Variants in CSMD1 observed in about 807,000 individuals in gnomAD.
CSMD1 encodes the protein CUB and sushi domain-containing protein 1.
A neutral mutation model predicts 417.5 loss-of-function variants in CSMD1; 213 were observed. The observed-to-expected ratio is 0.51, with a 90% CI of 0.46 to 0.57. CSMD1 has a LOEUF of 0.57. Among genes scored for constraint, CSMD1 ranks in the 20% least tolerant of loss-of-function variants. CSMD1 has a pLI of 0.00. For synonymous variants in CSMD1, 2,862 were observed against 1,736.8 expected, an observed-to-expected ratio of 1.65 and a Z score of -16.11; for missense variants, 6,923 against 4,529.7, an observed-to-expected ratio of 1.53 and a Z score of -15.17.
intron 23 of CSMD1, among the ~76,000 whole-genome samples, chr8:3,319,981 A>G (rs919848115): frequency 1.2e-4 from 18 of 152,290 alleles, no homozygotes; most frequent in African/African-American, 4.1e-4. Flanking sequence ...AGTCTCTACC[A>G]GTGGCTTAGA....
rs1318111552 is a variant in CSMD1 at position 3,586,190 on chromosome 8, G to C, written c.1168C>G (p.Gln390Glu). The C allele has an allele frequency of 3.1e-6, 5 of 1,612,234 alleles. No individual in the cohort carries two copies. Among genetic ancestry groups the C allele is most frequent in the Non-Finnish European group, 3.4e-6 (4 of 1,179,326 alleles). The change falls in exon 9 of 70, where the codon CAG becomes GAG. Residue 390 changes from glutamine to glutamate, a missense_variant. By Grantham distance (29) the Gln-to-Glu change is conservative. Transcript: ENST00000635120. ...VLQGSKSITC[Q>E]RVTETLAAWS... is the part of the protein sequence containing the mutation. ...GCAGCGAGCGTCTCTGTAACTCTCT[G>C]ACAGGTGATGCTTTTAGATCCCTGG...
intron 5 of CSMD1, among the ~76,000 whole-genome samples, chr8:3,893,339 TTATATATATATATA>T (rs56848640): frequency 3.7e-5 from 3 of 80,440 alleles, no homozygotes; most frequent in Non-Finnish European, 8.3e-5. Context: ...ATTCACAATT[TTATATATATATATA>T]TATATATATT....
chr8:4,338,491 G>A (rs576808522), intron 3 of CSMD1, among the ~76,000 whole-genome samples: 10 of 152,158 alleles, frequency 6.6e-5, no homozygotes, highest in East Asian at 3.9e-4. Context: ...AATCTACCTC[G>A]GGATATTGTA....
At position 3,046,890 on chromosome 8, in the gene CSMD1, C is replaced by T. The variant is rs75775195; in HGVS notation, c.7660+5572G>A. ...TAGGATTGCTATTCTAATTGAATCA[C>T]GTAGCTTAGATAAATGTCTAGAGTG... On this transcript the variant is annotated intron_variant, in intron 50 of 69. Coordinates refer to ENST00000635120, the MANE Select transcript of CSMD1 (RefSeq NM_033225.6). 8.5e-3 allele frequency among the ~76,000 whole-genome samples: 1,294 copies of T among 151,858 alleles called. 11 individuals are homozygous for T. Among genetic ancestry groups the T allele is most frequent in the African/African-American group, 0.03 (1,243 of 41,512 alleles).
intron 4 of CSMD1, among the ~76,000 whole-genome samples, chr8:4,012,921 T>C (rs1353660317): frequency 1.3e-5 from 2 of 152,144 alleles, no homozygotes; most frequent in African/African-American, 4.8e-5. Flanking sequence ...AGCACCTTCT[T>C]TAAACAGCAT....
At chr8:3,706,051 G>T (rs1262836420) in intron 7 of CSMD1, among the ~76,000 whole-genome samples, 1 of 152,238 alleles carries the variant, frequency 6.6e-6, no homozygotes, top group Non-Finnish European at 1.5e-5. Context: ...TGGTGGGAAC[G>T]CCTAAGGCAC....
chr8:3,782,559 T>A (rs1410733633), intron 5 of CSMD1, among the ~76,000 whole-genome samples: 1 of 152,162 alleles, frequency 6.6e-6, no homozygotes, highest in Non-Finnish European at 1.5e-5. Flanking sequence ...GATGAGTTGA[T>A]GGGCGCAGCA....
At chr8:4,244,906 A>T (rs1802613258) in intron 3 of CSMD1, among the ~76,000 whole-genome samples, 1 of 152,216 alleles carries the variant, frequency 6.6e-6, no homozygotes. Flanking sequence ...GGAGATAACA[A>T]CATTTAAATC....
At chr8:4,050,903 T>G (rs1019930604) in intron 3 of CSMD1, among the ~76,000 whole-genome samples, 2 of 152,080 alleles carry the variant, frequency 1.3e-5, no homozygotes. Flanking sequence ...AAGCCTACCT[T>G]TACGTGAGTC....
chr8:4,276,432 C>T (rs10099480), intron 3 of CSMD1, among the ~76,000 whole-genome samples: 1 of 151,916 alleles, frequency 6.6e-6, no homozygotes, highest in African/African-American at 2.4e-5. Flanking sequence ...AATGAGGACT[C>T]ATGGACGCTT....
At chr8:3,434,085 G>C (rs1814398032) in intron 12 of CSMD1, among the ~76,000 whole-genome samples, 1 of 152,162 alleles carries the variant, frequency 6.6e-6, no homozygotes, top group South Asian at 2.1e-4. Context: ...GGTCTTAGTA[G>C]CATCTGATGC....
intron 3 of CSMD1, among the ~76,000 whole-genome samples, chr8:4,200,488 A>T (rs73496531): frequency 6.6e-6 from 1 of 152,170 alleles, no homozygotes; most frequent in South Asian, 2.1e-4. Context: ...TCTCAGAGAT[A>T]ATCACTTAGG....
At chr8:4,313,351 G>A (rs930318644) in intron 3 of CSMD1, among the ~76,000 whole-genome samples, 8 of 136,566 alleles carry the variant, frequency 5.9e-5, no homozygotes, top group Middle Eastern at 7.2e-3. Context: ...GGGGGTAGCA[G>A]ACCATCATTG....
At chr8:3,266,784 C>CAA (rs10595372) in intron 26 of CSMD1, among the ~76,000 whole-genome samples, 6 of 131,562 alleles carry the variant, frequency 4.6e-5, no homozygotes, top group Non-Finnish European at 8.2e-5. Context: ...TAAAAAAAAT[C>CAA]AAAAAAAAAA....
intron 2 of CSMD1, among the ~76,000 whole-genome samples, chr8:4,561,688 A>G (rs1798339485): frequency 6.6e-6 from 1 of 152,192 alleles, no homozygotes; most frequent in African/African-American, 2.4e-5. Flanking sequence ...TTAAAAGAAG[A>G]AAAAAAGAGA....
intron 3 of CSMD1, among the ~76,000 whole-genome samples, chr8:4,292,520 G>A (rs906614265): frequency 9.9e-5 from 15 of 152,104 alleles, no homozygotes; most frequent in Admixed American, 3.3e-4. Context: ...CCCGAGTGCT[G>A]GGATTACAGC....
At chr8:3,916,757 G>A (rs746127755) in intron 5 of CSMD1, among the ~76,000 whole-genome samples, 6 of 152,094 alleles carry the variant, frequency 3.9e-5, no homozygotes, top group Non-Finnish European at 8.8e-5. Context: ...CACAAAACTA[G>A]AGAGAGAAAA....
At chr8:3,649,744 G>C (rs1187510804) in intron 7 of CSMD1, among the ~76,000 whole-genome samples, 1 of 152,050 alleles carries the variant, frequency 6.6e-6, no homozygotes, top group Non-Finnish European at 1.5e-5. Flanking sequence ...GGGACACAAA[G>C]CCTAACCATA....
chr8:4,350,772 G>C lies in CSMD1; in HGVS notation c.415+69181C>G, dbSNP rs529522324. ...TCCAGTGGCAGCTGATTGAATTTAA[G>C]TAGGTTATTTTTAAATTCCCAGCAT... On this transcript the variant is annotated intron_variant, in intron 3 of 69. Coordinates refer to ENST00000635120, the MANE Select transcript of CSMD1 (RefSeq NM_033225.6). Among the ~76,000 whole-genome samples, 5 of 152,294 alleles carry C rather than the reference G, an allele frequency of 3.3e-5. No individual in the cohort carries two copies. The South Asian group carries it at 6.2e-4, about 19-fold the overall frequency.
Sources: gnomAD v4.1 joint callset for allele counts (sites outside exome capture counted in the v4.1 genomes callset) on GRCh38, gnomAD v4.1.1 for gene constraint, MANE v1.5 for transcripts, NCBI Gene and HGNC (gene_info 2026-07-23, HGNC 2026-07-21) for gene names.